The following ABLIM3 variants were observed in gnomAD, a reference collection of about 807,000 sequenced individuals.
ABLIM3 encodes the protein actin-binding LIM protein 3.
ABLIM3 carries 61 observed loss-of-function variants against 109.5 expected under a neutral mutation model. That is an observed-to-expected ratio of 0.56 (90% CI 0.45 to 0.69). ABLIM3 has a LOEUF of 0.69. Among genes scored for constraint, ABLIM3 ranks in the 30% least tolerant of loss-of-function variants. The pLI is 0.00. For missense variants in ABLIM3, 796 were observed against 889.5 expected, an observed-to-expected ratio of 0.89 and a Z score of 1.34; for synonymous variants, 300 against 324.8, an observed-to-expected ratio of 0.92 and a Z score of 0.82.
intron 2 of ABLIM3, among the ~76,000 whole-genome samples, chr5:149,173,976 C>T (rs1318165970): frequency 6.9e-5 from 10 of 145,028 alleles, no homozygotes; most frequent in African/African-American, 1.8e-4. Flanking sequence ...GAGCCGAGAT[C>T]GCGCCACTGC....
At chr5:149,231,246 G>T (rs776256871) in intron 9 of ABLIM3, among the ~76,000 whole-genome samples, 1 of 152,180 alleles carries the variant, frequency 6.6e-6, no homozygotes, top group East Asian at 1.9e-4. Context: ...CCAGGTACGC[G>T]CTGGGCCAGC....
chr5:149,258,668 C>A lies in ABLIM3; in HGVS notation c.*264C>A, dbSNP rs566503200. On this transcript the variant is annotated 3_prime_UTR_variant, in exon 24 of 24. Coordinates refer to ENST00000309868, the MANE Select transcript of ABLIM3 (RefSeq NM_014945.5). The stretch of plus-strand genomic sequence containing the variant: ...TCCTTTTTATACTGAAACATCTGTC[C>A]TAACTTGAGTGCCCCAAGGTCCAAC... 1.7e-4 allele frequency: 190 copies of A among 1,126,820 alleles called. No individual in the cohort carries two copies. The highest frequency in any genetic ancestry group is 2.0e-4 in the Non-Finnish European group (187 of 921,278). The allele number at this position is 1,126,820 out of a possible 1,614,324, so 69.8% of individuals were successfully genotyped here. A position where few individuals can be genotyped will look rare whatever the true frequency, so the allele number is the denominator to read the frequency against.
In ABLIM3 at chr5:149,258,504, G is replaced by A; in HGVS notation, c.*100G>A. 1 of 1,419,144 alleles carries A rather than the reference G, an allele frequency of 7.0e-7. No individual in the cohort carries two copies. Among genetic ancestry groups the A allele is most frequent in the Non-Finnish European group, 9.2e-7 (1 of 1,091,200 alleles). The allele number at this position is 1,419,144 out of a possible 1,614,324, so 87.9% of individuals were successfully genotyped here. A position where few individuals can be genotyped will look rare whatever the true frequency, so the allele number is the denominator to read the frequency against. ...CCTCTCTTGTGTAATGGGACACACT[G>A]CCTGCCATGAGACTTGCTTTTCTGT... is the stretch of plus-strand genomic sequence containing the variant. On this transcript the variant is annotated 3_prime_UTR_variant, in exon 24 of 24. Transcript: ENST00000309868.
intron 10 of ABLIM3, 97 bp downstream of exon 10, chr5:149,233,397 A>G: frequency 1.5e-6 from 2 of 1,290,794 alleles, no homozygotes; most frequent in East Asian, 4.6e-5. Flanking sequence ...GTTTTCATCC[A>G]GCTGACATTT....
Position 149,240,740 on chromosome 5 carries a change from C to G in ABLIM3, c.1269C>G (p.Thr423=). The G allele has an allele frequency of 6.2e-7, 1 of 1,614,200 alleles. No homozygotes were observed. Among genetic ancestry groups the G allele is most frequent in the South Asian group, 1.1e-5 (1 of 91,084 alleles). ...TAGATGTGAGGTCCTCCACTCCAACCTCTTACCAGGCTCCCAAGCACTTTC... is the reference window on the plus strand; with the variant it reads ...TAGATGTGAGGTCCTCCACTCCAACGTCTTACCAGGCTCCCAAGCACTTTC... The part of the protein sequence containing the change: ...SQLDVRSSTP[T]SYQAPKHFHI... The change falls in exon 14 of 24, where the codon ACC becomes ACG. Residue 423 remains threonine, a synonymous_variant. Transcript: ENST00000309868.
At chr5:149,227,032 T>C (rs1175465666) in intron 8 of ABLIM3, among the ~76,000 whole-genome samples, 1 of 145,678 alleles carries the variant, frequency 6.9e-6, no homozygotes, top group African/African-American at 2.6e-5. Flanking sequence ...ATCGTGCCAT[T>C]GCACTCCAGC....
At chr5:149,225,244 A>G (rs1448006335) in intron 8 of ABLIM3, among the ~76,000 whole-genome samples, 1 of 151,902 alleles carries the variant, frequency 6.6e-6, no homozygotes, top group Non-Finnish European at 1.5e-5. Flanking sequence ...CCCCACCTCT[A>G]TCTAGTTCCA....
chr5:149,166,868 C>G (rs564630938), intron 2 of ABLIM3, among the ~76,000 whole-genome samples: 2 of 152,288 alleles, frequency 1.3e-5, no homozygotes, highest in East Asian at 3.9e-4. Context: ...GTAAGCAAGA[C>G]TGTGTTCCAA....
At chr5:149,205,742 G>A (rs1166136762) in intron 5 of ABLIM3, among the ~76,000 whole-genome samples, 1 of 152,184 alleles carries the variant, frequency 6.6e-6, no homozygotes, top group Non-Finnish European at 1.5e-5. Flanking sequence ...CATTTTGCAA[G>A]TAGAGACCTT....
intron 3 of ABLIM3, among the ~76,000 whole-genome samples, chr5:149,188,695 A>C: frequency 6.6e-6 from 1 of 152,214 alleles, no homozygotes; most frequent in East Asian, 1.9e-4. Flanking sequence ...CCCCACCCTT[A>C]TGATCTCATC....
In ABLIM3 at chr5:149,246,542, A is replaced by G; in HGVS notation, c.1547A>G (p.His516Arg). Residue 516 changes from histidine (H) to arginine (R), a missense_variant, in exon 17 of 24, where the codon CAC becomes CGC. Physicochemically the swap from His to Arg is conservative, Grantham distance 29. Coordinates refer to ENST00000309868, the MANE Select transcript of ABLIM3 (RefSeq NM_014945.5). ...GEEDDFDRSMHKLQSGIGRLI... is the reference protein window; with the variant it reads ...GEEDDFDRSMRKLQSGIGRLI... ...GAGGATGATTTTGACCGCAGCATGC[A>G]CAAGGTGGGCAGAGACCACAGCACT... 1 of 1,614,194 alleles carries G rather than the reference A, an allele frequency of 6.2e-7. No homozygotes were observed. Among genetic ancestry groups the G allele is most frequent in the Non-Finnish European group, 8.5e-7 (1 of 1,180,032 alleles).
chr5:149,206,909 CA>C (rs1759035822), intron 5 of ABLIM3, 98 bp from the exon 6 acceptor site: 1 of 1,499,000 alleles, frequency 6.7e-7, no homozygotes, highest in South Asian at 1.3e-5. Flanking sequence ...ACTATGGGAA[CA>C]CTGGCATTCA....
chr5:149,193,235 G>A (rs968809949), intron 3 of ABLIM3, among the ~76,000 whole-genome samples: 3 of 151,962 alleles, frequency 2.0e-5, no homozygotes, highest in South Asian at 2.1e-4. Flanking sequence ...ATATTTTAGA[G>A]ATACATTCTG....
chr5:149,239,484 G>A (rs532554868), intron 12 of ABLIM3, among the ~76,000 whole-genome samples: 1 of 152,252 alleles, frequency 6.6e-6, no homozygotes, highest in East Asian at 1.9e-4. Flanking sequence ...CCCAGAGATG[G>A]CCTCCCTCAG....
intron 23 of ABLIM3, among the ~76,000 whole-genome samples, chr5:149,256,850 A>T (rs1283759406): frequency 6.6e-6 from 1 of 152,224 alleles, no homozygotes. Flanking sequence ...TTTTCATAAT[A>T]GACTTACTTA....
chr5:149,251,023 C>T (rs1490364448), intron 20 of ABLIM3, among the ~76,000 whole-genome samples: 1 of 152,050 alleles, frequency 6.6e-6, no homozygotes, highest in Non-Finnish European at 1.5e-5. Context: ...AAGTGATGAG[C>T]AGGGTAAGGA....
chr5:149,182,719 C>T (rs1756573566), intron 2 of ABLIM3, among the ~76,000 whole-genome samples: 1 of 152,196 alleles, frequency 6.6e-6, no homozygotes. Context: ...TAGTAGAACT[C>T]TTAAGCATCA....
intron 2 of ABLIM3, among the ~76,000 whole-genome samples, chr5:149,172,348 G>A (rs1362708810): frequency 1.3e-5 from 2 of 152,152 alleles, no homozygotes; most frequent in Non-Finnish European, 2.9e-5. Context: ...TTCGTGTACT[G>A]AGTCATTATG....
chr5:149,252,332 T>A (rs1754013417), intron 22 of ABLIM3, 124 bp downstream of exon 22: 8 of 1,097,350 alleles, frequency 7.3e-6, no homozygotes, highest in South Asian at 1.7e-5. Context: ...ACCCCAGGGG[T>A]CCTTTCAAGA....
Sources: gnomAD v4.1 joint callset for allele counts (sites outside exome capture counted in the v4.1 genomes callset) on GRCh38, gnomAD v4.1.1 for gene constraint, MANE v1.5 for transcripts, NCBI Gene and HGNC (gene_info 2026-07-23, HGNC 2026-07-21) for gene names.